The following CCDC3 variants were observed in gnomAD, a reference collection of about 807,000 sequenced individuals.
The protein encoded by CCDC3 is coiled-coil domain-containing protein 3.
CCDC3 carries 24 observed loss-of-function variants against 21.4 expected under a neutral mutation model. The observed-to-expected ratio is 1.12, with a 90% CI of 0.81 to 1.58. The LOEUF (loss-of-function observed/expected upper bound fraction) is 1.58. Ranked by LOEUF, CCDC3 falls within the 40% of genes most tolerant of loss-of-function variation. CCDC3 has a pLI of 0.00. For missense variants in CCDC3, 425 were observed against 360.9 expected (o/e 1.18, Z -1.44); for synonymous variants, 186 against 166.0 (o/e 1.12, Z -0.93).
In CCDC3 at chr10:13,067,460, A is replaced by C. The variant is rs1407317465; in HGVS notation, c.-270+6408T>G. On this transcript the variant is annotated intron_variant, in intron 4 of 6. Transcript: ENST00000378839. The stretch of plus-strand genomic sequence containing the variant: ...AGGATCACTGTTTATATTCTCTGTA[A>C]AGTTTTAATTATGAAAAAGGATTTG... Among the ~76,000 whole-genome samples the C allele has an allele frequency of 2.6e-5, 4 of 152,038 alleles. No individual in the cohort carries two copies. In the East Asian group the frequency reaches 7.7e-4, roughly 29 times the overall value.
intron 2 of CCDC3, among the ~76,000 whole-genome samples, chr10:12,914,704 A>G (rs1834323551): frequency 1.3e-5 from 2 of 151,998 alleles, no homozygotes; most frequent in Admixed American, 1.3e-4. Context: ...TAGCCCTCCC[A>G]AAGTGCTGGG....
At chr10:12,931,201 ACT>A (rs1326304440) in intron 2 of CCDC3, among the ~76,000 whole-genome samples, 27 of 105,444 alleles carry the variant, frequency 2.6e-4, no homozygotes, top group African/African-American at 9.6e-4. Context: ...ACAGAGCAAG[ACT>A]CTGTCAAAAA....
intron 5 of CCDC3, among the ~76,000 whole-genome samples, chr10:13,028,789 T>A (rs1288256950): frequency 2.6e-5 from 4 of 151,900 alleles, no homozygotes; most frequent in Non-Finnish European, 5.9e-5. Context: ...ATGCAAAGGG[T>A]TCCATCTCTC....
intron 3 of CCDC3, among the ~76,000 whole-genome samples, chr10:13,091,322 A>T (rs1832565607): frequency 6.6e-6 from 1 of 152,180 alleles, no homozygotes; most frequent in African/African-American, 2.4e-5. Context: ...GGGGGTGATT[A>T]GGTCATGAGA....
chr10:13,036,145 A>AAAAC (rs986080567), intron 5 of CCDC3, among the ~76,000 whole-genome samples: 59 of 151,808 alleles, frequency 3.9e-4, no homozygotes, highest in East Asian at 7.8e-4. Flanking sequence ...TCTGTCTCAA[A>AAAAC]AAACAAACAA....
intron 2 of CCDC3, among the ~76,000 whole-genome samples, chr10:12,960,752 A>G (rs1470203915): frequency 6.6e-6 from 1 of 152,170 alleles, no homozygotes; most frequent in East Asian, 1.9e-4. Context: ...CAACACAGAT[A>G]AAGAATCGCT....
At chr10:13,079,104 T>G (rs1837001216) in intron 3 of CCDC3, among the ~76,000 whole-genome samples, 1 of 152,204 alleles carries the variant, frequency 6.6e-6, no homozygotes, top group Admixed American at 6.5e-5. Context: ...GAAAGTAAAA[T>G]TACCTTGCTG....
At chr10:12,917,986 G>A (rs1306843618) in intron 2 of CCDC3, among the ~76,000 whole-genome samples, 1 of 152,122 alleles carries the variant, frequency 6.6e-6, no homozygotes, top group Non-Finnish European at 1.5e-5. Context: ...ACTGACTGAA[G>A]GTTTAACTTT....
At chr10:13,099,095 C>T (rs927031929) in exon 2 of CCDC3, 7 of 152,278 alleles carry the variant, frequency 4.6e-5, no homozygotes, top group South Asian at 2.1e-4. Context: ...CCTTATAAAG[C>T]AGCCTCTAGC....
chr10:12,954,036 C>G (rs531562413), intron 2 of CCDC3, among the ~76,000 whole-genome samples: 1 of 152,306 alleles, frequency 6.6e-6, no homozygotes, highest in East Asian at 1.9e-4. Context: ...GAATTTCATA[C>G]ATTTTAATGC....
intron 5 of CCDC3, among the ~76,000 whole-genome samples, chr10:13,015,410 G>A (rs139351051): frequency 6.6e-6 from 1 of 152,138 alleles, no homozygotes; most frequent in East Asian, 1.9e-4. Context: ...CCCCGCTCTT[G>A]CCATAGCACT....
chr10:13,004,765 CCT>C (rs1456956376), upstream of CCDC3, among the ~76,000 whole-genome samples: 3 of 152,082 alleles, frequency 2.0e-5, no homozygotes, highest in East Asian at 1.9e-4. Context: ...CAATGAATAC[CCT>C]CTGTTTCTGC....
chr10:12,987,538 C>G (rs777597419), intron 2 of CCDC3, among the ~76,000 whole-genome samples: 2 of 152,154 alleles, frequency 1.3e-5, no homozygotes, highest in Admixed American at 6.5e-5. Flanking sequence ...TCAGAATGGT[C>G]AAGTGACACC....
At chr10:12,927,584 CA>C (rs72098756) in intron 2 of CCDC3, among the ~76,000 whole-genome samples, 19,328 of 150,002 alleles carry the variant, frequency 0.13, 1,524 homozygotes, top group Middle Eastern at 0.18. Context: ...CTACAAATGG[CA>C]AAAAAAAACC....
chr10:13,024,184 G>A (rs505588), intron 5 of CCDC3, among the ~76,000 whole-genome samples: 119,296 of 151,960 alleles, frequency 0.79, 48,203 homozygotes, highest in Non-Finnish European at 0.87. Context: ...GAAGTTTGGC[G>A]GTCTTGAGGC....
chr10:12,927,295 A>ACCACCTGTAAATACTTTAG (rs1324662094), intron 2 of CCDC3, among the ~76,000 whole-genome samples: 2 of 152,208 alleles, frequency 1.3e-5, no homozygotes, highest in East Asian at 3.8e-4. Flanking sequence ...CATGTCAGAT[A>ACCACCTGTAAATACTTTAG]CCACCTGTAA....
intron 3 of CCDC3, among the ~76,000 whole-genome samples, chr10:13,077,864 T>C (rs61851399): frequency 0.13 from 19,422 of 152,216 alleles, 1,514 homozygotes; most frequent in East Asian, 0.21. Flanking sequence ...AAATTCAAAA[T>C]GGATTAAATA....
At chr10:12,917,184 T>C (rs12411938) in intron 2 of CCDC3, among the ~76,000 whole-genome samples, 144 of 984 alleles carry the variant, frequency 0.15, no homozygotes, top group Non-Finnish European at 0.24. Context: ...CTTCTTCTTT[T>C]TTTTTTTTTT....
chr10:12,916,947 C>T (rs974009412), intron 2 of CCDC3, among the ~76,000 whole-genome samples: 1 of 152,132 alleles, frequency 6.6e-6, no homozygotes, highest in African/African-American at 2.4e-5. Flanking sequence ...GTCCATTGGG[C>T]AGGTCGGGTG....
Sources: gnomAD v4.1 joint callset for allele counts (sites outside exome capture counted in the v4.1 genomes callset) on GRCh38, gnomAD v4.1.1 for gene constraint, MANE v1.5 for transcripts, NCBI Gene and HGNC (gene_info 2026-07-23, HGNC 2026-07-21) for gene names.